AHRR: variants seen among roughly 807,000 people sequenced by gnomAD.
The protein encoded by AHRR is ahR repressor.
A neutral mutation model predicts 44.0 loss-of-function variants in AHRR; 28 were observed. That is an observed-to-expected ratio of 0.64 (90% CI 0.47 to 0.87). The LOEUF is 0.87. AHRR is among the 40% of genes least tolerant of loss of function. The pLI is 0.00. For missense variants in AHRR, 990 were observed against 953.9 expected, an observed-to-expected ratio of 1.04 and a Z score of -0.50; for synonymous variants, 434 against 407.0, an observed-to-expected ratio of 1.07 and a Z score of -0.80.
At chr5:330,043 C>T (rs1362113026) in intron 1 of AHRR, among the ~76,000 whole-genome samples, 1 of 152,040 alleles carries the variant, frequency 6.6e-6, no homozygotes, top group African/African-American at 2.4e-5. Context: ...TGTCATGTTC[C>T]AGTTCTTAGG....
At chr5:331,698 G>C (rs1305625534) in intron 1 of AHRR, among the ~76,000 whole-genome samples, 4 of 152,214 alleles carry the variant, frequency 2.6e-5, no homozygotes, top group African/African-American at 9.6e-5. Context: ...TGGTGGACGG[G>C]TGAGCATTAC....
rs140869476 is a variant in AHRR at position 383,816 on chromosome 5, C to T, written c.351+7100C>T. On this transcript the variant is annotated intron_variant, in intron 4 of 10. Coordinates refer to ENST00000684583, the MANE Select transcript of AHRR (RefSeq NM_001377236.1). The surrounding 1 kb of genome is among the most constrained non-coding windows in gnomAD (Gnocchi z 4.0). ...TGGCCTCAAGCTGTCCTCCCACCCC[C>T]GGCCTCCCAAAGTGTTGAGATTACA... is the stretch of plus-strand genomic sequence containing the variant. Among the ~76,000 whole-genome samples, 43 of 152,288 alleles carry T rather than the reference C, an allele frequency of 2.8e-4. No homozygotes were observed. The highest frequency in any genetic ancestry group is 1.2e-3 in the Admixed American group (19 of 15,308).
chr5:322,295 C>A (rs1338918338), intron 1 of AHRR, among the ~76,000 whole-genome samples: 1 of 152,188 alleles, frequency 6.6e-6, no homozygotes, highest in Non-Finnish European at 1.5e-5. Flanking sequence ...AGACCGGATG[C>A]CCTGAGAGAG....
chr5:339,532 C>T (rs2126349059), intron 1 of AHRR, among the ~76,000 whole-genome samples: 1 of 152,170 alleles, frequency 6.6e-6, no homozygotes, highest in African/African-American at 2.4e-5. Context: ...GAGACTTTTA[C>T]TTACTTTACT....
chr5:374,291 G>A (rs1743701320), intron 3 of AHRR, among the ~76,000 whole-genome samples: 1 of 152,220 alleles, frequency 6.6e-6, no homozygotes, highest in African/African-American at 2.4e-5. Flanking sequence ...CTCGGGGTCA[G>A]CTGCTGGGAC....
chr5:347,817 G>T (rs1560886374), intron 2 of AHRR, among the ~76,000 whole-genome samples: 1 of 152,214 alleles, frequency 6.6e-6, no homozygotes, highest in African/African-American at 2.4e-5. Context: ...TGTTGAGTCT[G>T]GGTGCCCATC....
intron 5 of AHRR, among the ~76,000 whole-genome samples, chr5:422,182 A>G (rs1736157656): frequency 6.6e-6 from 1 of 152,160 alleles, no homozygotes; most frequent in Non-Finnish European, 1.5e-5. Flanking sequence ...CTCTGTCGCC[A>G]GACATGGACC....
At chr5:332,849 T>G (rs1741975841) in intron 1 of AHRR, among the ~76,000 whole-genome samples, 1 of 152,130 alleles carries the variant, frequency 6.6e-6, no homozygotes, top group Admixed American at 6.5e-5. Flanking sequence ...TGCACCAATG[T>G]TGGATGCATA....
rs1167049981 is a variant in AHRR at position 337,077 on chromosome 5, TG to T, written c.-10-6815del. Among the ~76,000 whole-genome samples, 2 of 152,164 alleles carry T rather than the reference TG, an allele frequency of 1.3e-5. No individual in the cohort carries two copies. Among genetic ancestry groups the T allele is most frequent in the Admixed American group, 6.5e-5 (1 of 15,278 alleles). On this transcript the variant is annotated intron_variant, in intron 1 of 10. Coordinates refer to ENST00000684583, the MANE Select transcript of AHRR (RefSeq NM_001377236.1). The surrounding 1 kb of genome is among the most constrained non-coding windows in gnomAD (Gnocchi z 4.1). ...TATGCCACAGTTTCTTTCTTTTTAA[TG>T]TTTTTTTTTAAAGCCAAACATTTTA...
At position 385,176 on chromosome 5, in the gene AHRR, GT is replaced by G. The variant is rs559319327; in HGVS notation, c.351+8471del. ...GCTGGTGATGTGTCTTTTATTTATC[GT>G]TTTTTTTTTTCTTTTGAGACAGGGT... On this transcript the variant is annotated intron_variant, in intron 4 of 10. Transcript: ENST00000684583. 1.5e-3 allele frequency among the ~76,000 whole-genome samples: 215 copies of G among 147,284 alleles called. 5 individuals carry two copies. In the East Asian group the frequency reaches 0.026, roughly 18 times the overall value.
intron 1 of AHRR, among the ~76,000 whole-genome samples, chr5:343,374 G>A (rs749932353): frequency 9.6e-5 from 14 of 146,030 alleles, no homozygotes; most frequent in African/African-American, 2.5e-4. Flanking sequence ...ATGGGAACAC[G>A]GGACCCGCGT....
At chr5:392,939 A>T (rs1267534564) in intron 4 of AHRR, among the ~76,000 whole-genome samples, 1 of 148,968 alleles carries the variant, frequency 6.7e-6, no homozygotes, top group African/African-American at 2.5e-5. Context: ...GGGTCAAGGG[A>T]TCTCCCCCCA....
rs561498662 is a variant in AHRR, at chr5:416,149, G to A, written c.441+2716G>A. Among the ~76,000 whole-genome samples, 347 of 152,366 alleles carry A rather than the reference G, an allele frequency of 2.3e-3. 1 individual carries two copies. Among genetic ancestry groups the A allele is most frequent in the Middle Eastern group, 6.8e-3 (2 of 294 alleles). On this transcript the variant is annotated intron_variant, in intron 5 of 10. Transcript: ENST00000684583. ...GCCTGGGCTGGCCCTGGTGGAGGAC[G>A]CAGGGGGACATGGCTGTGTGCAGGG...
chr5:345,825 G>A (rs1742653703), intron 2 of AHRR, among the ~76,000 whole-genome samples: 1 of 152,066 alleles, frequency 6.6e-6, no homozygotes. Flanking sequence ...ACAAGGGGAG[G>A]TAAGGCCTCC....
chr5:327,087 C>A lies in AHRR; in HGVS notation c.-11+5268C>A, dbSNP rs189833900. Among the ~76,000 whole-genome samples, 4 of 152,200 alleles carry A rather than the reference C, an allele frequency of 2.6e-5. No individual in the cohort carries two copies. In the East Asian group the frequency reaches 7.7e-4, roughly 29 times the overall value. ...AACAACGGCAACAGCAACAAGAAGC[C>A]ATCCTAGTCGTATAAATGGTATTGA... is the stretch of plus-strand genomic sequence containing the variant. On this transcript the variant is annotated intron_variant, in intron 1 of 10. Transcript: ENST00000684583.
intron 3 of AHRR, chr5:367,810 CAG>C (rs1191456257): frequency 8.5e-6 from 6 of 702,024 alleles, no homozygotes; most frequent in Non-Finnish European, 1.6e-5. Context: ...ATGCCCAGGA[CAG>C]GGGTTGGCAG....
rs1735578551 is a variant in AHRR at position 413,821 on chromosome 5, T to A, written c.441+388T>A. 1.3e-5 allele frequency among the ~76,000 whole-genome samples: 2 copies of A among 152,208 alleles called. 1 individual carries two copies. Among genetic ancestry groups the A allele is most frequent in the South Asian group, 4.1e-4 (2 of 4,832 alleles). ...CTCAGGACACAGCTTGTTGTGGAAA[T>A]GCCCTTCCTGACGTGCGAGTGGTTC... On this transcript the variant is annotated intron_variant, in intron 5 of 10. Transcript: ENST00000684583.
In AHRR at chr5:432,513, A is replaced by G. The variant is rs1015694006; in HGVS notation, c.959A>G (p.Asn320Ser). The G allele has an allele frequency of 9.9e-6, 16 of 1,613,948 alleles. No individual in the cohort carries two copies. The highest frequency in any genetic ancestry group is 2.7e-5 in the African/African-American group (2 of 74,928). ...GAATCGGAACTGCATGGAAAACCCAATTACTCAGCAGGTACTTAGAACATT... is the reference window on the plus strand; with the variant it reads ...GAATCGGAACTGCATGGAAAACCCAGTTACTCAGCAGGTACTTAGAACATT... ...LCESELHGKP[N>S]YSAGRSSRES... Residue 320 changes from asparagine to serine, a missense_variant, in exon 9 of 11, where the codon AAT becomes AGT. Transcript: ENST00000684583.
At chr5:334,927 A>G (rs1742069368) in intron 1 of AHRR, among the ~76,000 whole-genome samples, 1 of 152,140 alleles carries the variant, frequency 6.6e-6, no homozygotes, top group South Asian at 2.1e-4. Flanking sequence ...TGAGGCATGC[A>G]GCAGTGAAGC....
Sources: allele counts gnomAD v4.1 joint callset (sites outside exome capture counted in the v4.1 genomes callset), GRCh38; gene constraint gnomAD v4.1.1; non-coding constraint Gnocchi (gnomAD v3.1); transcripts MANE v1.5; gene names NCBI Gene and HGNC (gene_info 2026-07-23, HGNC 2026-07-21).